Variants in FGD6 observed in about 807,000 individuals in gnomAD.
FGD6 encodes FYVE, RhoGEF and PH domain-containing protein 6.
Under a neutral mutation model 149.4 loss-of-function variants are expected in FGD6, and 90 were observed. The observed-to-expected ratio is 0.60, with a 90% CI of 0.51 to 0.72. The LOEUF (loss-of-function observed/expected upper bound fraction) is 0.72, where lower values mean the gene tolerates loss of function less well. Among genes scored for constraint, FGD6 ranks in the 30% least tolerant of loss-of-function variants. The probability of loss-of-function intolerance (pLI) is 0.00; values close to 1 mark genes in which losing one functional copy is unlikely to be tolerated. For synonymous variants in FGD6, 527 were observed against 584.0 expected (o/e 0.90, Z 1.41); for missense variants, 1,437 against 1,684.8 (o/e 0.85, Z 2.57).
At chr12:95,146,575 G>T (rs1446460165) in intron 5 of FGD6, among the ~76,000 whole-genome samples, 2 of 152,136 alleles carry the variant, frequency 1.3e-5, no homozygotes, top group Admixed American at 6.6e-5. Context: ...TAGCTATAGA[G>T]TTTGTTAGCA....
chr12:95,107,599 C>T lies in FGD6; in HGVS notation c.3297G>A (p.Leu1099=). 23 of 1,614,120 alleles carry T rather than the reference C, an allele frequency of 1.4e-5. No homozygotes were observed. Among genetic ancestry groups the T allele is most frequent in the Non-Finnish European group, 1.9e-5 (23 of 1,180,042 alleles). Residue 1099 remains leucine, a synonymous_variant, in exon 12 of 21, where the codon CTG becomes CTA. Transcript: ENST00000343958. ...VFLKEGILMK[L]SRKVMQPRMF... is the part of the protein sequence containing the mutation. ...TTCGAGGTTGCATCACTTTCCGAGA[C>T]AGCTTCATCAGAATTCCTTCTTTGA...
rs567781470 is a variant in FGD6 at position 95,156,793 on chromosome 12, T to C, written c.2587-3800A>G. ...GCTTTAAAATTTCCCACTTCTGTAC[T>C]CTATCCCTTTATTTCTCAGACCAGC... On this transcript the variant is annotated intron_variant, in intron 3 of 20. Coordinates refer to ENST00000343958, the MANE Select transcript of FGD6 (RefSeq NM_018351.4). 3.9e-5 allele frequency among the ~76,000 whole-genome samples: 6 copies of C among 152,266 alleles called. No homozygotes were observed. In the South Asian group the frequency reaches 1.2e-3, roughly 32 times the overall value.
chr12:95,107,064 A>G (rs749975502), intron 12 of FGD6, 27 bp from the exon 13 acceptor site: 1 of 1,542,682 alleles, frequency 6.5e-7, no homozygotes. Flanking sequence ...TTCAGGGGAG[A>G]AAGTAAAGAA....
intron 2 of FGD6, among the ~76,000 whole-genome samples, chr12:95,187,270 G>A (rs1276252076): frequency 6.6e-6 from 1 of 150,840 alleles, no homozygotes; most frequent in Non-Finnish European, 1.5e-5. Context: ...GGCGGAGCTT[G>A]CAGTGAGCCG....
At chr12:95,139,770 G>A (rs1879789484) in intron 6 of FGD6, among the ~76,000 whole-genome samples, 1 of 151,628 alleles carries the variant, frequency 6.6e-6, no homozygotes, top group Admixed American at 6.6e-5. Flanking sequence ...CCGAGTAGTT[G>A]GGATTACAGG....
intron 6 of FGD6, among the ~76,000 whole-genome samples, chr12:95,139,537 T>C (rs375036762): frequency 7.2e-5 from 11 of 151,836 alleles, no homozygotes; most frequent in African/African-American, 2.4e-4. Context: ...GGTTTCACCA[T>C]GTTGGCCAGG....
chr12:95,179,486 G>A (rs1419600246), intron 2 of FGD6, among the ~76,000 whole-genome samples: 1 of 151,970 alleles, frequency 6.6e-6, no homozygotes, highest in Non-Finnish European at 1.5e-5. Context: ...GCAGGTGAGG[G>A]ACCAAGACCT....
intron 5 of FGD6, among the ~76,000 whole-genome samples, chr12:95,142,865 T>C (rs1879893900): frequency 6.6e-6 from 1 of 152,190 alleles, no homozygotes; most frequent in Non-Finnish European, 1.5e-5. Flanking sequence ...CCTATTATTT[T>C]TCATTTACTG....
chr12:95,149,751 TATAC>T (rs1880238649), intron 5 of FGD6, among the ~76,000 whole-genome samples: 2 of 145,774 alleles, frequency 1.4e-5, no homozygotes, highest in Admixed American at 7.1e-5. Context: ...AATAAGTGAC[TATAC>T]ATATAGTATT....
chr12:95,086,844 CTTTTTT>C (rs35618842), intron 18 of FGD6, among the ~76,000 whole-genome samples: 6,581 of 92,696 alleles, frequency 0.071, 226 homozygotes, highest in South Asian at 0.14. Flanking sequence ...CCACACCGGC[CTTTTTT>C]TTTTTTTTTT....
intron 5 of FGD6, among the ~76,000 whole-genome samples, chr12:95,152,372 A>G (rs1265073427): frequency 6.6e-6 from 1 of 152,132 alleles, no homozygotes; most frequent in Non-Finnish European, 1.5e-5. Context: ...AAAACAGAAA[A>G]TAGAACTAAA....
At chr12:95,195,542 T>C (rs772881974) in intron 2 of FGD6, among the ~76,000 whole-genome samples, 1 of 151,506 alleles carries the variant, frequency 6.6e-6, no homozygotes, top group Non-Finnish European at 1.5e-5. Context: ...GATAACGAAA[T>C]GTCCTGGCAA....
chr12:95,084,170 C>T (rs1877784196), intron 20 of FGD6, among the ~76,000 whole-genome samples: 1 of 152,236 alleles, frequency 6.6e-6, no homozygotes, highest in Non-Finnish European at 1.5e-5. Context: ...TTCTTACCCT[C>T]ATAGAAGGAG....
At chr12:95,211,869 A>C (rs1238040031) in intron 1 of FGD6, among the ~76,000 whole-genome samples, 1 of 152,138 alleles carries the variant, frequency 6.6e-6, no homozygotes, top group Admixed American at 6.5e-5. Flanking sequence ...AAAATGAGAT[A>C]ATTGACTTCA....
intron 7 of FGD6, 48 bp downstream of exon 7, chr12:95,137,474 A>C: frequency 4.3e-6 from 6 of 1,408,474 alleles, no homozygotes; most frequent in Non-Finnish European, 5.6e-6. Flanking sequence ...TTAAAGCTTC[A>C]ACAACAAAAA....
At chr12:95,113,472 G>A (rs1210499949) in intron 9 of FGD6, among the ~76,000 whole-genome samples, 179 bp downstream of exon 9, 1 of 151,894 alleles carries the variant, frequency 6.6e-6, no homozygotes, top group African/African-American at 2.4e-5. Flanking sequence ...TTGACCTCAG[G>A]TGATCTACCC....
chr12:95,159,956 A>G (rs769315592), intron 3 of FGD6, among the ~76,000 whole-genome samples: 10 of 152,046 alleles, frequency 6.6e-5, no homozygotes, highest in Middle Eastern at 3.2e-3. Context: ...GCAGTGAGCT[A>G]TCATCACAAT....
At chr12:95,188,270 A>G (rs894723286) in intron 2 of FGD6, among the ~76,000 whole-genome samples, 1 of 152,212 alleles carries the variant, frequency 6.6e-6, no homozygotes, top group Non-Finnish European at 1.5e-5. Context: ...TACTAGCTGA[A>G]GGCACAGAAA....
At chr12:95,094,326 TTCGTA>T (rs1482077589) in intron 15 of FGD6, among the ~76,000 whole-genome samples, 1 of 152,150 alleles carries the variant, frequency 6.6e-6, no homozygotes, top group African/African-American at 2.4e-5. Context: ...CTTAAACTGT[TTCGTA>T]TTTTCTAAAT....
Sources: gnomAD v4.1 joint callset for allele counts (sites outside exome capture counted in the v4.1 genomes callset) on GRCh38, gnomAD v4.1.1 for gene constraint, MANE v1.5 for transcripts, NCBI Gene and HGNC (gene_info 2026-07-23, HGNC 2026-07-21) for gene names.